The following ARAP2 variants were observed in gnomAD, a reference collection of about 807,000 sequenced individuals.
ARAP2 encodes ArfGAP with RhoGAP domain, ankyrin repeat and PH domain 2, also known as arf-GAP with Rho-GAP domain, ANK repeat and PH domain-containing protein 2.
In ARAP2, 148 loss-of-function variants were observed where a neutral mutation model predicts 194.5. That is an observed-to-expected ratio of 0.76 (90% CI 0.67 to 0.87). The LOEUF is 0.87. Among genes scored for constraint, ARAP2 ranks in the 40% least tolerant of loss-of-function variants. The pLI, the probability that ARAP2 is intolerant of heterozygous loss-of-function variation, is 0.00. For synonymous variants in ARAP2, 695 were observed against 683.5 expected, an observed-to-expected ratio of 1.02 and a Z score of -0.26; for missense variants, 2,128 against 1,989.7, an observed-to-expected ratio of 1.07 and a Z score of -1.32.
At chr4:36,123,306 C>T (rs968720633) in intron 22 of ARAP2, among the ~76,000 whole-genome samples, 2 of 151,720 alleles carry the variant, frequency 1.3e-5, no homozygotes, top group African/African-American at 4.8e-5. Context: ...GGAGGAAATA[C>T]TCTTTTAGCT....
At chr4:36,196,906 G>T (rs1046602667) in intron 6 of ARAP2, among the ~76,000 whole-genome samples, 1 of 151,306 alleles carries the variant, frequency 6.6e-6, no homozygotes, top group African/African-American at 2.4e-5. Flanking sequence ...AACATGGCTG[G>T]CTCCTTCTTA....
At chr4:36,037,923 T>C (rs1160417473) in intron 5 of ARAP2, among the ~76,000 whole-genome samples, 1 of 152,196 alleles carries the variant, frequency 6.6e-6, no homozygotes, top group Admixed American at 6.6e-5. Flanking sequence ...AGCTTCTCAC[T>C]ACTACTGAAT....
At chr4:36,108,159 A>G (rs1718918620) in intron 26 of ARAP2, among the ~76,000 whole-genome samples, 1 of 151,880 alleles carries the variant, frequency 6.6e-6, no homozygotes, top group Non-Finnish European at 1.5e-5. Flanking sequence ...CTGCCTCCCA[A>G]AGTGGTGGGA....
intron 1 of ARAP2, among the ~76,000 whole-genome samples, chr4:36,059,901 G>T (rs1724133576): frequency 6.6e-6 from 1 of 152,104 alleles, no homozygotes; most frequent in Non-Finnish European, 1.5e-5. Context: ...AGAGTAATGG[G>T]AAACAAAAGG....
chr4:36,091,326 A>G (rs1156329194), intron 28 of ARAP2, among the ~76,000 whole-genome samples: 1 of 151,970 alleles, frequency 6.6e-6, no homozygotes, highest in African/African-American at 2.4e-5. Context: ...TCATTTATCT[A>G]CTCCCTCTTT....
chr4:36,015,002 A>G (rs1343174245), intron 8 of ARAP2, among the ~76,000 whole-genome samples: 2 of 152,156 alleles, frequency 1.3e-5, no homozygotes, highest in Non-Finnish European at 2.9e-5. Flanking sequence ...CACCTGTTAA[A>G]GTTTTGAGTA....
At chr4:36,193,261 C>A (rs1448803829) in intron 7 of ARAP2, among the ~76,000 whole-genome samples, 1 of 152,134 alleles carries the variant, frequency 6.6e-6, no homozygotes, top group African/African-American at 2.4e-5. Context: ...GGCTAAATAT[C>A]TATTAGAGCC....
intron 1 of ARAP2, among the ~76,000 whole-genome samples, chr4:36,242,236 T>A (rs1244350420): frequency 6.6e-6 from 1 of 152,184 alleles, no homozygotes; most frequent in Non-Finnish European, 1.5e-5. Context: ...TAAGAAGTTC[T>A]CTACCTAATT....
intron 1 of ARAP2, among the ~76,000 whole-genome samples, chr4:36,241,920 C>A (rs1449392850): frequency 6.6e-6 from 1 of 152,142 alleles, no homozygotes; most frequent in African/African-American, 2.4e-5. Flanking sequence ...TTCTCTGCAG[C>A]ATGGGTAAAT....
intron 27 of ARAP2, among the ~76,000 whole-genome samples, chr4:36,100,009 C>T (rs1198235810): frequency 6.6e-6 from 1 of 152,028 alleles, no homozygotes; most frequent in African/African-American, 2.4e-5. Context: ...AACCTCATAT[C>T]TGATTTATCC....
chr4:36,116,556 T>C (rs1721365077), intron 25 of ARAP2, among the ~76,000 whole-genome samples: 2 of 151,936 alleles, frequency 1.3e-5, no homozygotes, highest in South Asian at 4.1e-4. Flanking sequence ...ATTGGAAGAC[T>C]GGATGCTAAA....
intron 31 of ARAP2, among the ~76,000 whole-genome samples, chr4:36,074,305 C>T (rs1443169353): frequency 6.6e-6 from 1 of 152,094 alleles, no homozygotes; most frequent in Non-Finnish European, 1.5e-5. Context: ...ACTATTTTAT[C>T]TAATTGAATT....
At chr4:36,124,105 T>A (rs1471550810) in intron 22 of ARAP2, among the ~76,000 whole-genome samples, 1 of 151,718 alleles carries the variant, frequency 6.6e-6, no homozygotes, top group Non-Finnish European at 1.5e-5. Context: ...AAATGAGAAG[T>A]AGTGGTTGGG....
intron 29 of ARAP2, 75 bp downstream of exon 29, chr4:36,083,293 C>G: frequency 9.3e-7 from 1 of 1,077,526 alleles, no homozygotes; most frequent in Non-Finnish European, 1.4e-6. Flanking sequence ...ACTAATGCCA[C>G]TGATCCCTAA....
At chr4:36,076,437 C>A (rs1376433577) in intron 31 of ARAP2, among the ~76,000 whole-genome samples, 1 of 152,104 alleles carries the variant, frequency 6.6e-6, no homozygotes, top group Non-Finnish European at 1.5e-5. Context: ...TATCTAGTCA[C>A]AACCTCATTT....
At chr4:36,137,640 C>T (rs1199919876) in intron 19 of ARAP2, among the ~76,000 whole-genome samples, 1 of 151,478 alleles carries the variant, frequency 6.6e-6, no homozygotes, top group African/African-American at 2.4e-5. Context: ...ATATCTCTGC[C>T]AAGTTTTTTT....
chr4:36,082,306 A>C lies in ARAP2; in HGVS notation c.4509-20T>G, dbSNP rs1427183544. 6.2e-7 allele frequency: 1 copy of C among 1,600,510 alleles called. No individual in the cohort carries two copies. The highest frequency in any genetic ancestry group is 8.5e-7 in the Non-Finnish European group (1 of 1,173,984). On this transcript the variant is annotated intron_variant, in intron 29 of 32. Transcript: ENST00000303965. Reference sequence around the variant, plus strand: ...CCCCAGCTGCATCACATAGAAAAAAAAACACACATAAATTAAAAATAATAC... The same window carrying C: ...CCCCAGCTGCATCACATAGAAAAAACAACACACATAAATTAAAAATAATAC...
chr4:36,073,718 T>G lies in ARAP2; in HGVS notation c.4714A>C (p.Asn1572His). 1 of 1,612,472 alleles carries G rather than the reference T, an allele frequency of 6.2e-7. No individual in the cohort carries two copies. Among genetic ancestry groups the G allele is most frequent in the East Asian group, 2.2e-5 (1 of 44,852 alleles). Residue 1572 changes from asparagine (N) to histidine (H), a missense_variant, in exon 32 of 33, where the codon AAT becomes CAT. Asn to His is a moderately conservative substitution (Grantham distance 68). Transcript: ENST00000303965. ...ATATTTTTCCGGGCCAAGGTTGCAT[T>G]CCCCTCATGCTGTATAGGAATCAGA... is the stretch of plus-strand genomic sequence containing the variant. ...LPLIPIQHEG[N>H]ATLARKNIES...
chr4:36,026,552 C>CT (rs1717940402), intron 5 of ARAP2, among the ~76,000 whole-genome samples: 1 of 152,160 alleles, frequency 6.6e-6, no homozygotes, highest in Admixed American at 6.5e-5. Context: ...CCTCTGGCAA[C>CT]TTTAGCAAAT....
Sources: gnomAD v4.1 joint callset for allele counts (sites outside exome capture counted in the v4.1 genomes callset) on GRCh38, gnomAD v4.1.1 for gene constraint, MANE v1.5 for transcripts, NCBI Gene and HGNC (gene_info 2026-07-23, HGNC 2026-07-21) for gene names.